PIGU: variants seen among roughly 807,000 people sequenced by gnomAD.
PIGU encodes the protein GPI-anchor transamidase component PIGU.
PIGU carries 24 observed loss-of-function variants against 49.9 expected under a neutral mutation model. The ratio of observed to expected loss-of-function variants is 0.48; its 90% CI spans 0.35 to 0.68. The LOEUF is 0.68. Among genes scored for constraint, PIGU ranks in the 30% least tolerant of loss-of-function variants. PIGU has a pLI of 0.01. For missense variants in PIGU, 490 were observed against 532.6 expected (o/e 0.92, Z 0.79); for synonymous variants, 220 against 205.7 (o/e 1.07, Z -0.59).
intron 11 of PIGU, among the ~76,000 whole-genome samples, chr20:34,571,629 G>A (rs1011820602): frequency 2.0e-5 from 3 of 152,134 alleles, no homozygotes; most frequent in Non-Finnish European, 2.9e-5. Context: ...AATCCCGTAC[G>A]TCTCGATGGA....
intron 7 of PIGU, among the ~76,000 whole-genome samples, chr20:34,598,311 A>T (rs1261786430): frequency 6.6e-6 from 1 of 152,328 alleles, no homozygotes; most frequent in African/African-American, 2.4e-5. Context: ...GGAGGAACAG[A>T]GAAGGTCTGT....
rs1156648368 is a variant in PIGU, at chr20:34,613,365, AT to A, written c.627+2676del. Reference sequence around the variant, plus strand: ...CTAGCACACTATAGGTACTTAGTAAATATTGGTAGAGGAGCTGCTTGACTTA... The same window carrying A: ...CTAGCACACTATAGGTACTTAGTAAAATTGGTAGAGGAGCTGCTTGACTTA... On this transcript the variant is annotated intron_variant, in intron 7 of 11. Transcript: ENST00000217446. 2.6e-5 allele frequency among the ~76,000 whole-genome samples: 4 copies of A among 152,166 alleles called. No individual in the cohort carries two copies. The East Asian group carries it at 7.7e-4, about 29-fold the overall frequency.
intron 1 of PIGU, among the ~76,000 whole-genome samples, chr20:34,659,661 A>G (rs74762419): frequency 7.2e-5 from 11 of 152,158 alleles, no homozygotes; most frequent in South Asian, 2.1e-4. Context: ...CCGTGTCTGT[A>G]TAGAAAGAAG....
chr20:34,644,351 T>A, intron 3 of PIGU, 125 bp from the exon 4 acceptor site: 1 of 715,794 alleles, frequency 1.4e-6, no homozygotes, highest in Non-Finnish European at 2.4e-6. Context: ...TACAATCAGG[T>A]AGAACTTCAA....
At chr20:34,675,075 CCT>C (rs1208051539) in intron 1 of PIGU, among the ~76,000 whole-genome samples, 2 of 151,524 alleles carry the variant, frequency 1.3e-5, no homozygotes, top group Non-Finnish European at 2.9e-5. Flanking sequence ...ATGGAGAACC[CCT>C]GTCTCTACTA....
chr20:34,668,771 A>AT (rs2146796690), intron 1 of PIGU, among the ~76,000 whole-genome samples: 1 of 151,504 alleles, frequency 6.6e-6, no homozygotes, highest in African/African-American at 2.4e-5. Context: ...TCTGACTCAA[A>AT]AAAATAAATA....
chr20:34,676,784 C>T (rs1352702747), intron 1 of PIGU, among the ~76,000 whole-genome samples, 172 bp downstream of exon 1: 2 of 152,166 alleles, frequency 1.3e-5, no homozygotes, highest in African/African-American at 4.8e-5. Context: ...TCCCCACGCC[C>T]CCTCCCCTCA....
chr20:34,659,258 G>A (rs1600667831), intron 1 of PIGU, among the ~76,000 whole-genome samples: 4 of 109,570 alleles, frequency 3.7e-5, no homozygotes, highest in East Asian at 5.5e-4. Flanking sequence ...AGGTGGGGGG[G>A]TCAGCCCCCC....
At chr20:34,564,552 A>C (rs1982665943) in intron 11 of PIGU, among the ~76,000 whole-genome samples, 1 of 152,202 alleles carries the variant, frequency 6.6e-6, no homozygotes, top group Non-Finnish European at 1.5e-5. Context: ...ACAAACTCAA[A>C]ATATTTTGCT....
intron 6 of PIGU, among the ~76,000 whole-genome samples, chr20:34,617,630 T>C (rs1425381499): frequency 2.0e-5 from 3 of 152,218 alleles, no homozygotes; most frequent in Non-Finnish European, 4.4e-5. Flanking sequence ...ACTTGCCTTG[T>C]CTCAGATGAG....
intron 9 of PIGU, among the ~76,000 whole-genome samples, chr20:34,583,068 C>T (rs996221936): frequency 1.3e-5 from 2 of 152,216 alleles, no homozygotes; most frequent in African/African-American, 4.8e-5. Flanking sequence ...GGTCAAAGGT[C>T]AGGGTGACTC....
intron 8 of PIGU, 107 bp from the exon 9 acceptor site, chr20:34,585,687 C>A (rs576058458): frequency 7.8e-7 from 1 of 1,277,720 alleles, no homozygotes; most frequent in Non-Finnish European, 1.1e-6. Context: ...CAGCCAAGGA[C>A]GACTTTCTCC....
At chr20:34,675,863 A>G (rs1987481079) in intron 1 of PIGU, among the ~76,000 whole-genome samples, 1 of 152,056 alleles carries the variant, frequency 6.6e-6, no homozygotes, top group African/African-American at 2.4e-5. Context: ...AACAAAAACA[A>G]AAACAAAAAA....
At chr20:34,632,117 A>G (rs1985801387) in intron 6 of PIGU, among the ~76,000 whole-genome samples, 1 of 151,842 alleles carries the variant, frequency 6.6e-6, no homozygotes, top group Admixed American at 6.6e-5. Flanking sequence ...CTAGGATTAC[A>G]GGCTTGAGCC....
chr20:34,643,278 T>C (rs1986228458), intron 4 of PIGU, among the ~76,000 whole-genome samples: 1 of 152,142 alleles, frequency 6.6e-6, no homozygotes, highest in Admixed American at 6.5e-5. Flanking sequence ...TTTCCACAGT[T>C]TTATAGGCCC....
chr20:34,635,267 C>CT (rs1283499066), intron 5 of PIGU, among the ~76,000 whole-genome samples: 1 of 152,220 alleles, frequency 6.6e-6, no homozygotes, highest in Non-Finnish European at 1.5e-5. Context: ...TGACACAGGT[C>CT]ATGCCAATCC....
At chr20:34,650,086 G>T (rs1986482106) in intron 2 of PIGU, among the ~76,000 whole-genome samples, 1 of 151,444 alleles carries the variant, frequency 6.6e-6, no homozygotes, top group South Asian at 2.1e-4. Flanking sequence ...TTGACCTCGT[G>T]ATCCGCCCGC....
chr20:34,658,683 C>A (rs2146785288), intron 1 of PIGU, among the ~76,000 whole-genome samples: 1 of 151,810 alleles, frequency 6.6e-6, no homozygotes, highest in South Asian at 2.1e-4. Flanking sequence ...TGCCCAGCCG[C>A]CCCGTCTGAG....
chr20:34,673,858 G>A (rs947724355), intron 1 of PIGU, among the ~76,000 whole-genome samples: 5 of 151,952 alleles, frequency 3.3e-5, no homozygotes, highest in African/African-American at 9.7e-5. Context: ...ATCAAGACCA[G>A]CCTGGCTAAT....
Sources: allele counts gnomAD v4.1 joint callset (sites outside exome capture counted in the v4.1 genomes callset), GRCh38; gene constraint gnomAD v4.1.1; transcripts MANE v1.5; gene names NCBI Gene and HGNC (gene_info 2026-07-23, HGNC 2026-07-21).